The following ATP4A variants were observed in gnomAD, a reference collection of about 807,000 sequenced individuals.
ATP4A encodes the protein ATPase H+/K+ transporting subunit alpha.
Under a neutral mutation model 112.1 loss-of-function variants are expected in ATP4A, and 73 were observed. The ratio of observed to expected loss-of-function variants is 0.65; its 90% confidence interval spans 0.54 to 0.79. ATP4A has a LOEUF of 0.79. ATP4A is among the 30% of genes least tolerant of loss of function. The pLI, the probability that ATP4A is intolerant of heterozygous loss-of-function variation, is 0.00. For missense variants in ATP4A, 1,081 were observed against 1,425.9 expected, an observed-to-expected ratio of 0.76 and a Z score of 3.90; for synonymous variants, 588 against 588.9, an observed-to-expected ratio of 1.00 and a Z score of 0.02.
intron 12 of ATP4A, 57 bp downstream of exon 12, chr19:35,556,856 A>C: frequency 6.3e-7 from 1 of 1,575,936 alleles, no homozygotes; most frequent in Non-Finnish European, 8.6e-7. Context: ...TCTTCAACCC[A>C]AATCCTGCTG....
chr19:35,560,535 T>G lies in ATP4A; in HGVS notation c.615A>C (p.Lys205Asn). The G allele has an allele frequency of 1.2e-6, 2 of 1,613,590 alleles. No individual in the cohort carries two copies. The highest frequency in any genetic ancestry group is 1.7e-6 in the Non-Finnish European group (2 of 1,180,006). Reference protein sequence around the residue: ...QLVVGDLVEMKGGDRVPADIR... With the variant: ...QLVVGDLVEMNGGDRVPADIR... The stretch of plus-strand genomic sequence containing the variant: ...TGTCGGCGGGCACTCTGTCCCCACC[T>G]TTCATCTCCACCAGGTCGCCCACCA... Residue 205 changes from lysine (K) to asparagine (N), a missense_variant, in exon 6 of 22, where the codon AAA (lysine) becomes AAC (asparagine). By Grantham distance (94) the Lys-to-Asn change is moderately conservative. This residue lies in a region of ATP4A where 850 missense variants were observed against 1,068.2 expected (regional missense o/e 0.80). Transcript: ENST00000262623. The surrounding 1 kb of genome is among the most constrained non-coding windows in gnomAD (Gnocchi z 5.1).
At position 35,558,732 on chromosome 19, in the gene ATP4A, G is replaced by T. The variant is rs778787390; in HGVS notation, c.1256-46C>A. On this transcript the variant is annotated intron_variant, in intron 8 of 21. Coordinates refer to ENST00000262623, the MANE Select transcript of ATP4A (RefSeq NM_000704.3). The surrounding 1 kb of genome is among the most constrained non-coding windows in gnomAD (Gnocchi z 5.1). ...CTGGGTCCCGCACGGCGGCTCTCCC[G>T]GACCAGAACCGAGCCCCCTCCTCCT... The T allele has an allele frequency of 3.3e-6, 5 of 1,525,504 alleles. No homozygotes were observed. The Admixed American group carries it at 8.1e-5, about 25-fold the overall frequency. The allele number at this position is 1,525,504 out of a possible 1,614,324, so 94.5% of individuals were successfully genotyped here.
In ATP4A at chr19:35,550,424, G is replaced by A. The variant is rs1292864859; in HGVS notation, c.*191C>T. ...CAGGCGCTGCTGCTCCAGGAGGTGC[G>A]AACCTTGGGAATGGGGGAGGGGAGT... On this transcript the variant is annotated 3_prime_UTR_variant, in exon 22 of 22. Coordinates refer to ENST00000262623, the MANE Select transcript of ATP4A (RefSeq NM_000704.3). The surrounding 1 kb of genome is among the most constrained non-coding windows in gnomAD (Gnocchi z 4.1). 4.6e-5 allele frequency: 33 copies of A among 720,592 alleles called. No individual in the cohort carries two copies. The highest frequency in any genetic ancestry group is 8.2e-5 in the East Asian group (3 of 36,474). The allele number at this position is 720,592 out of a possible 1,614,324, so 44.6% of individuals were successfully genotyped here.
Position 35,553,621 on chromosome 19 carries a change from C to T in ATP4A, c.2605+85G>A, listed in dbSNP as rs2071614123. 3 of 1,549,206 alleles carry T rather than the reference C, an allele frequency of 1.9e-6. No homozygotes were observed. The East Asian group carries it at 6.8e-5, about 35-fold the overall frequency. On this transcript the variant is annotated intron_variant, in intron 17 of 21. Transcript: ENST00000262623. ...GCAGACACTGAGGTCCAGAACCAGC[C>T]GGAGCCCAAGGCAGGGCCTGGGGCA...
chr19:35,560,891 G>T lies in ATP4A; in HGVS notation c.462C>A (p.Thr154=), dbSNP rs201417873. Residue 154 remains threonine, a synonymous_variant, in exon 5 of 22, where the codon ACC becomes ACA. Transcript: ENST00000262623. The surrounding 1 kb of genome is among the most constrained non-coding windows in gnomAD (Gnocchi z 5.1). ...ATTCCTGGTAGTAGCCAAAGCAGCC[G>T]GTGACGACAACCACAGCAATGAGAG... is the stretch of plus-strand genomic sequence containing the variant. ...AIALIAVVVV[T]GCFGYYQEFK... is the part of the protein sequence containing the mutation. 2 of 1,614,004 alleles carry T rather than the reference G, an allele frequency of 1.2e-6. No individual in the cohort carries two copies. Among genetic ancestry groups the T allele is most frequent in the African/African-American group, 1.3e-5 (1 of 74,972 alleles).
chr19:35,551,629 G>A lies in ATP4A; in HGVS notation c.2752-49C>T, dbSNP rs12977572. 0.042 allele frequency: 66,046 copies of A among 1,584,806 alleles called. 1,819 individuals carry two copies. Among genetic ancestry groups the A allele is most frequent in the South Asian group, 0.12 (10,123 of 87,416 alleles). ...ACAGCCTGAGTCCAGCCTGAGTCCC[G>A]GCGGAGAGCCTCTGCAGCCCACCGG... On this transcript the variant is annotated intron_variant, in intron 18 of 21. Transcript: ENST00000262623. The surrounding 1 kb of genome is among the most constrained non-coding windows in gnomAD (Gnocchi z 5.2).
At chr19:35,562,340 C>T (rs936028174) in intron 4 of ATP4A, 95 bp downstream of exon 4, 114 of 1,415,512 alleles carry the variant, frequency 8.1e-5, no homozygotes, top group Non-Finnish European at 1.1e-4. Context: ...CGTCTATCCC[C>T]ATCCTTCTCT....
At position 35,562,584 on chromosome 19, in the gene ATP4A, G is replaced by C. The variant is rs1488133897; in HGVS notation, c.271C>G (p.Leu91Val). 6.2e-7 allele frequency: 1 copy of C among 1,611,262 alleles called. No individual in the cohort carries two copies. The highest frequency in any genetic ancestry group is 8.5e-7 in the Non-Finnish European group (1 of 1,179,102). The change falls in exon 4 of 22, where the codon CTG becomes GTG. Residue 91 changes from leucine to valine, a missense_variant. Leu to Val is a conservative substitution (Grantham distance 32). Coordinates refer to ENST00000262623, the MANE Select transcript of ATP4A (RefSeq NM_000704.3). ...ELLLRDGPNA[L>V]RPPRGTPEYV... Reference sequence around the variant, plus strand: ...TCTGGGGTGCCCCGTGGTGGCCGCAGTGCGTTGGGCCCATCCCGCAGCAGC... The same window carrying C: ...TCTGGGGTGCCCCGTGGTGGCCGCACTGCGTTGGGCCCATCCCGCAGCAGC...
chr19:35,552,677 T>G (rs941470871), intron 18 of ATP4A, among the ~76,000 whole-genome samples: 9 of 152,218 alleles, frequency 5.9e-5, no homozygotes, highest in African/African-American at 2.2e-4. Context: ...ACACATCTGC[T>G]GGCCAGATCT....
At position 35,558,262 on chromosome 19, in the gene ATP4A, G is replaced by T. The variant is rs2071644543; in HGVS notation, c.1500+100C>A. On this transcript the variant is annotated intron_variant, in intron 10 of 21. Transcript: ENST00000262623. This position sits in a 1 kb window ranked among gnomAD's most constrained non-coding sequence, Gnocchi z 5.1. ...GTGGGGTTTGGCTGCGGAGAGAAGGGGCAAGGAGCGAAGCCCCTCGTGGCC... is the reference window on the plus strand; with the variant it reads ...GTGGGGTTTGGCTGCGGAGAGAAGGTGCAAGGAGCGAAGCCCCTCGTGGCC... 3 of 1,424,332 alleles carry T rather than the reference G, an allele frequency of 2.1e-6. No homozygotes were observed. Among genetic ancestry groups the T allele is most frequent in the Non-Finnish European group, 1.9e-6 (2 of 1,064,768 alleles). 88.2% of individuals were successfully genotyped at this position (1,424,332 alleles called of 1,614,324 possible).
Position 35,562,528 on chromosome 19 carries a change from C to G in ATP4A, c.327G>C (p.Gly109=). Residue 109 remains glycine (G), a synonymous_variant, in exon 4 of 22, where the codon GGG becomes GGC. Transcript: ENST00000262623. ...EYVKFARQLA[G]GLQCLMWVAA... is the part of the protein sequence containing the mutation. ...CAACCCACATGAGGCACTGCAGGCCCCCGGCCAGCTGCCTCGCGAACTTGA... is the reference window on the plus strand; with the variant it reads ...CAACCCACATGAGGCACTGCAGGCCGCCGGCCAGCTGCCTCGCGAACTTGA... 6.2e-7 allele frequency: 1 copy of G among 1,613,922 alleles called. No individual in the cohort carries two copies. Among genetic ancestry groups the G allele is most frequent in the Non-Finnish European group, 8.5e-7 (1 of 1,179,966 alleles).
Position 35,559,106 on chromosome 19 carries a change from G to T in ATP4A, c.1142C>A (p.Thr381Asn). Residue 381 changes from threonine to asparagine, a missense_variant, in exon 8 of 22, where the codon ACT (threonine) becomes AAT (asparagine). By Grantham distance (65) the Thr-to-Asn change is moderately conservative. Transcript: ENST00000262623. The surrounding 1 kb of genome is among the most constrained non-coding windows in gnomAD (Gnocchi z 4.1). ...NLEAVETLGS[T>N]SVICSDKTGT... is the part of the protein sequence containing the mutation. ...TGTCTTGTCCGAGCAGATCACCGAA[G>T]TGGAGCCCAATGTCTCCACCGCCTC... 1 of 1,614,204 alleles carries T rather than the reference G, an allele frequency of 6.2e-7. No individual in the cohort carries two copies. Among genetic ancestry groups the T allele is most frequent in the Non-Finnish European group, 8.5e-7 (1 of 1,180,032 alleles).
At chr19:35,563,141 T>A in intron 3 of ATP4A, 68 bp downstream of exon 3, 1 of 1,509,254 alleles carries the variant, frequency 6.6e-7, no homozygotes. Context: ...TCCATCTCCC[T>A]CCTTCCATCT....
intron 12 of ATP4A, among the ~76,000 whole-genome samples, chr19:35,556,196 G>A (rs10416513): frequency 0.37 from 56,430 of 151,974 alleles, 11,641 homozygotes; most frequent in African/African-American, 0.56. Flanking sequence ...CTCCTGGCAG[G>A]GAGAACAGCA....
rs367658345 is a variant in ATP4A at position 35,553,066 on chromosome 19, C to T, written c.2722G>A (p.Asp908Asn). 17 of 1,609,410 alleles carry T rather than the reference C, an allele frequency of 1.1e-5. No homozygotes were observed. The highest frequency in any genetic ancestry group is 7.7e-5 in the South Asian group (7 of 90,868). Residue 908 changes from aspartate to asparagine, a missense_variant, in exon 18 of 22, where the codon GAT becomes AAT. Physicochemically the swap from Asp to Asn is conservative, Grantham distance 23. This residue lies in a region of ATP4A where 219 missense variants were observed against 320.9 expected (regional missense o/e 0.68). Transcript: ENST00000262623. Reference sequence around the variant, plus strand: ...TCCTGGCCGTAGCTGTCCTGCAGATCTTGTAGGTGGTGGTCCTCCCACTGC... The same window carrying T: ...TCCTGGCCGTAGCTGTCCTGCAGATTTTGTAGGTGGTGGTCCTCCCACTGC... ...RAQWEDHHLQ[D>N]LQDSYGQEWT...
rs779167227 is a variant in ATP4A, at chr19:35,557,033, G to A, written c.1749C>T (p.Asp583=). The change falls in exon 12 of 22, where the codon GAC becomes GAT. Residue 583 remains aspartate (D), a synonymous_variant. Coordinates refer to ENST00000262623, the MANE Select transcript of ATP4A (RefSeq NM_000704.3). This position sits in a 1 kb window ranked among gnomAD's most constrained non-coding sequence, Gnocchi z 4.4. The part of the protein sequence containing the change: ...EKDYPPGYAF[D]VEAMNFPSSG... ...TAGATGGAAAGTTCATGGCCTCTAC[G>A]TCGAAGGCATAGCCAGGCGGGTAGT... 1.5e-5 allele frequency: 25 copies of A among 1,614,102 alleles called. No homozygotes were observed. The highest frequency in any genetic ancestry group is 2.2e-5 in the East Asian group (1 of 44,892).
chr19:35,558,393 T>TC lies in ATP4A; in HGVS notation c.1468dup (p.Glu490GlyfsTer84). The TC allele has an allele frequency of 6.2e-7, 1 of 1,611,864 alleles. No homozygotes were observed. The highest frequency in any genetic ancestry group is 8.5e-7 in the Non-Finnish European group (1 of 1,179,154). ...CTTGTTGGTGGAGTTGAAGGGTATC[T>TC]CGCAGACTTTTGGGAAGCGGTCCCG... On this transcript the variant is annotated frameshift_variant, in exon 10 of 22. Transcript: ENST00000262623. LOFTEE classifies it high-confidence loss of function. This position sits in a 1 kb window ranked among gnomAD's most constrained non-coding sequence, Gnocchi z 5.1.
At chr19:35,562,099 G>A (rs2071674288) in intron 4 of ATP4A, among the ~76,000 whole-genome samples, 1 of 151,948 alleles carries the variant, frequency 6.6e-6, no homozygotes, top group Admixed American at 6.6e-5. Context: ...CAGGTGATCT[G>A]CCCGCCTCGG....
Position 35,558,428 on chromosome 19 carries a change from G to T in ATP4A, c.1434C>A (p.Ala478=), listed in dbSNP as rs528320640. The T allele has an allele frequency of 1.4e-5, 22 of 1,608,612 alleles. No individual in the cohort carries two copies. The highest frequency in any genetic ancestry group is 1.8e-5 in the Non-Finnish European group (21 of 1,177,804). ...TTGGGAAGCGGTCCCGGTAGCCCAT[G>T]GCGTTGCCCAGCGTCAGCTCCGAGA... The part of the protein sequence containing the change: ...LKFSELTLGN[A]MGYRDRFPKV... The change falls in exon 10 of 22, where the codon GCC becomes GCA. Residue 478 remains alanine (A), a synonymous_variant. Coordinates refer to ENST00000262623, the MANE Select transcript of ATP4A (RefSeq NM_000704.3). This position sits in a 1 kb window ranked among gnomAD's most constrained non-coding sequence, Gnocchi z 5.1.
Sources: gnomAD v4.1 joint callset for allele counts (sites outside exome capture counted in the v4.1 genomes callset) on GRCh38, gnomAD v4.1.1 for gene constraint, gnomAD v4.1.1 regional missense constraint, Gnocchi (gnomAD v3.1) non-coding constraint, MANE v1.5 for transcripts, NCBI Gene and HGNC (gene_info 2026-07-23, HGNC 2026-07-21) for gene names.